The following PLB1 variants were observed in gnomAD, a reference collection of about 807,000 sequenced individuals.
PLB1 encodes phospholipase B1, membrane-associated.
Under a neutral mutation model 227.4 loss-of-function variants are expected in PLB1, and 242 were observed. The ratio of observed to expected loss-of-function variants is 1.06; its 90% CI spans 0.96 to 1.18. The LOEUF is 1.18. Ranked by LOEUF, PLB1 falls within the 50% of genes most tolerant of loss-of-function variation. The pLI, the probability that PLB1 is intolerant of heterozygous loss-of-function variation, is 0.00. For synonymous variants in PLB1, 757 were observed against 682.2 expected (o/e 1.11, Z -1.71); for missense variants, 1,858 against 1,816.3 (o/e 1.02, Z -0.42).
intron 4 of PLB1, among the ~76,000 whole-genome samples, chr2:28,523,160 G>A (rs1655816001): frequency 6.6e-6 from 1 of 152,074 alleles, no homozygotes; most frequent in South Asian, 2.1e-4. Context: ...AGAAAAAACA[G>A]ATGTACGCAC....
intron 17 of PLB1, among the ~76,000 whole-genome samples, chr2:28,557,742 A>AG (rs1675362141): frequency 6.6e-6 from 1 of 152,232 alleles, no homozygotes; most frequent in Non-Finnish European, 1.5e-5. Context: ...ATGTTTAGCT[A>AG]ATCAGCCCAC....
intron 18 of PLB1, 42 bp from the exon 19 acceptor site, chr2:28,565,238 G>A: frequency 6.4e-7 from 1 of 1,567,658 alleles, no homozygotes; most frequent in East Asian, 2.3e-5. Context: ...GTGGGCCACT[G>A]GGGAAAGCAG....
In PLB1 at chr2:28,612,964, G is replaced by A. The variant is rs192346593; in HGVS notation, c.3130-1067G>A. Among the ~76,000 whole-genome samples the A allele has an allele frequency of 1.6e-3, 246 of 151,700 alleles. No homozygotes were observed. The Middle Eastern group carries it at 0.021, about 13-fold the overall frequency. ...AAACAGAGTCTCACTCTGTTGCCCAGGCTGGAGTGCACTGGCACAATTATA... is the reference window on the plus strand; with the variant it reads ...AAACAGAGTCTCACTCTGTTGCCCAAGCTGGAGTGCACTGGCACAATTATA... On this transcript the variant is annotated intron_variant, in intron 43 of 57. Coordinates refer to ENST00000327757, the MANE Select transcript of PLB1 (RefSeq NM_153021.5).
intron 9 of PLB1, among the ~76,000 whole-genome samples, chr2:28,533,211 C>T (rs899266931): frequency 1.3e-5 from 2 of 152,220 alleles, no homozygotes; most frequent in East Asian, 1.9e-4. Flanking sequence ...CAGAACTCCC[C>T]TTCCTTTAGT....
intron 14 of PLB1, among the ~76,000 whole-genome samples, chr2:28,548,092 T>A (rs1006971468): frequency 2.6e-5 from 4 of 151,866 alleles, no homozygotes; most frequent in African/African-American, 9.7e-5. Flanking sequence ...TTTGTGAGTG[T>A]TGGCTGTGCT....
chr2:28,560,738 C>T (rs780056368), intron 17 of PLB1, among the ~76,000 whole-genome samples: 4 of 152,162 alleles, frequency 2.6e-5, no homozygotes, highest in African/African-American at 7.2e-5. Flanking sequence ...CAAAGAGTCA[C>T]GTATTATATT....
At chr2:28,612,299 GC>G (rs1433221220) in intron 43 of PLB1, among the ~76,000 whole-genome samples, 1 of 152,192 alleles carries the variant, frequency 6.6e-6, no homozygotes, top group Non-Finnish European at 1.5e-5. Context: ...CCTCCCAGTC[GC>G]TGCTGAGTCC....
chr2:28,541,038 G>C (rs1252730245), intron 12 of PLB1, among the ~76,000 whole-genome samples: 1 of 152,154 alleles, frequency 6.6e-6, no homozygotes, highest in African/African-American at 2.4e-5. Flanking sequence ...AGGCATGGTA[G>C]CATGCACCTA....
intron 43 of PLB1, among the ~76,000 whole-genome samples, chr2:28,611,008 G>A (rs186342359): frequency 7.2e-5 from 11 of 152,032 alleles, no homozygotes; most frequent in Admixed American, 5.9e-4. Context: ...ACTCATGCAT[G>A]CACCAAATGG....
rs1391242337 is a variant in PLB1 at position 28,574,386 on chromosome 2, T to TTTTC, written c.1433+1084_1433+1085insCTTT. Reference sequence around the variant, plus strand: ...TCCCCAAAGTCCATTATATCATTCTTTTTTTTTTTTTTTTGAGACAGGGTC... The same window carrying TTTTC: ...TCCCCAAAGTCCATTATATCATTCTTTTTCTTTTTTTTTTTTTTGAGACAGGGTC... On this transcript the variant is annotated intron_variant, in intron 21 of 57. Transcript: ENST00000327757. Among the ~76,000 whole-genome samples the TTTTC allele has an allele frequency of 4.7e-5, 6 of 126,958 alleles. No homozygotes were observed. The East Asian group carries it at 1.1e-3, about 24-fold the overall frequency. The allele number at this position is 126,958 out of a possible 152,430, so 83.3% of individuals were successfully genotyped here.
At chr2:28,598,229 G>C (rs1382155378) in intron 34 of PLB1, among the ~76,000 whole-genome samples, 181 bp downstream of exon 34, 1 of 152,176 alleles carries the variant, frequency 6.6e-6, no homozygotes, top group African/African-American at 2.4e-5. Flanking sequence ...CAGATTTAGA[G>C]CCTGAAGATC....
At chr2:28,634,536 AATCTCCTGGGGCTGGATAGCC>A (rs1689072049) in intron 56 of PLB1, among the ~76,000 whole-genome samples, 1 of 152,196 alleles carries the variant, frequency 6.6e-6, no homozygotes, top group African/African-American at 2.4e-5. Context: ...ACCCTCCAGG[AATCTCCTGGGGCTGGATAGCC>A]ATAGTGACGG....
chr2:28,630,625 G>GGA lies in PLB1; in HGVS notation c.3861_3862dup (p.Lys1288ArgfsTer5). 3.7e-6 allele frequency: 6 copies of GGA among 1,613,578 alleles called. No homozygotes were observed. The highest frequency in any genetic ancestry group is 5.1e-6 in the Non-Finnish European group (6 of 1,179,766). ...GCCTCAGACACTCGCAAAGCTCCCT[G>GGA]GAGAAGCAAGAACTGAAGAAAGTGA... On this transcript the variant is annotated frameshift_variant, in exon 54 of 58. Transcript: ENST00000327757. LOFTEE classifies it high-confidence loss of function.
Position 28,642,881 on chromosome 2 carries a change from G to A in PLB1, c.4197G>A (p.Leu1399=). 6.2e-7 allele frequency: 1 copy of A among 1,605,028 alleles called. No homozygotes were observed. ...AGGAGAGCCCTTACCTCTACACCCTGCGGAACAGCCGATTGCTCCCAGACC... is the reference window on the plus strand; with the variant it reads ...AGGAGAGCCCTTACCTCTACACCCTACGGAACAGCCGATTGCTCCCAGACC... ...PSPESPYLYT[L]RNSRLLPDQA... is the part of the protein sequence containing the mutation. The change falls in exon 58 of 58, where the codon CTG becomes CTA. Residue 1399 remains leucine, a synonymous_variant. Transcript: ENST00000327757.
At chr2:28,597,264 G>GAAAA (rs57713254) in intron 33 of PLB1, among the ~76,000 whole-genome samples, 1 of 85,552 alleles carries the variant, frequency 1.2e-5, no homozygotes, top group African/African-American at 4.0e-5. Context: ...ACTCCGTCTC[G>GAAAA]AAAAAAAAAA....
In PLB1 at chr2:28,525,301, A is replaced by G. The variant is rs1450150217; in HGVS notation, c.278A>G (p.Gln93Arg). Residue 93 changes from glutamine to arginine, a missense_variant, in exon 5 of 58, where the codon CAA (glutamine) becomes CGA (arginine). Transcript: ENST00000327757. ...CCAGGGACGGGCGATCTGGAGAAGC[A>G]AGACTGGTAACTATCCTGAAAACAC... is the stretch of plus-strand genomic sequence containing the variant. ...PDPGTGDLEK[Q>R]DWTERPQQVC... 2.5e-6 allele frequency: 4 copies of G among 1,613,662 alleles called. No individual in the cohort carries two copies. The highest frequency in any genetic ancestry group is 3.4e-6 in the Non-Finnish European group (4 of 1,179,872).
intron 6 of PLB1, among the ~76,000 whole-genome samples, chr2:28,528,611 T>C (rs925113626): frequency 2.0e-5 from 3 of 152,206 alleles, no homozygotes; most frequent in Admixed American, 6.5e-5. Context: ...CCCAGCAACC[T>C]CAGTTAGCTG....
chr2:28,548,490 G>A, intron 14 of PLB1: 1 of 465,002 alleles, frequency 2.2e-6, no homozygotes, highest in South Asian at 1.6e-5. Context: ...GGACACCAAT[G>A]TTGGAGTCCC....
chr2:28,642,838 C>A lies in PLB1; in HGVS notation c.4174-20C>A. On this transcript the variant is annotated intron_variant, in intron 57 of 57. Transcript: ENST00000327757. The stretch of plus-strand genomic sequence containing the variant: ...GGTTCACGGAGATCCTTTCCACTGA[C>A]CCCCGCTCCTCCTCCACAGGAGAGC... 6.4e-7 allele frequency: 1 copy of A among 1,557,398 alleles called. No individual in the cohort carries two copies. The highest frequency in any genetic ancestry group is 8.7e-7 in the Non-Finnish European group (1 of 1,144,658).
Sources: allele counts gnomAD v4.1 joint callset (sites outside exome capture counted in the v4.1 genomes callset), GRCh38; gene constraint gnomAD v4.1.1; transcripts MANE v1.5; gene names NCBI Gene and HGNC (gene_info 2026-07-23, HGNC 2026-07-21).